The following CTNNA2 variants were observed in gnomAD, a reference collection of about 807,000 sequenced individuals.
CTNNA2 encodes catenin alpha-2.
A neutral mutation model predicts 101.0 loss-of-function variants in CTNNA2; 42 were observed. The ratio of observed to expected loss-of-function variants is 0.42; its 90% CI spans 0.32 to 0.54. CTNNA2 has a LOEUF of 0.54. CTNNA2 is among the 20% of genes least tolerant of loss of function. The pLI is 0.14. For missense variants in CTNNA2, 871 were observed against 1,223.1 expected, an observed-to-expected ratio of 0.71 and a Z score of 4.29; for synonymous variants, 450 against 456.4, an observed-to-expected ratio of 0.99 and a Z score of 0.18.
intron 7 of CTNNA2, among the ~76,000 whole-genome samples, chr2:80,272,837 G>A (rs1024125747): frequency 3.9e-5 from 6 of 152,142 alleles, no homozygotes; most frequent in South Asian, 2.1e-4. Flanking sequence ...CCCAAGCTGC[G>A]AGACAACTAT....
chr2:80,033,257 A>G (rs925705969), intron 7 of CTNNA2, among the ~76,000 whole-genome samples: 8 of 152,060 alleles, frequency 5.3e-5, no homozygotes, highest in African/African-American at 1.9e-4. Flanking sequence ...TATATGTAAA[A>G]TGGTGTCAGT....
At chr2:79,288,444 C>T (rs577167449) in intron 2 of CTNNA2, among the ~76,000 whole-genome samples, 4 of 152,336 alleles carry the variant, frequency 2.6e-5, no homozygotes, top group African/African-American at 9.6e-5. Flanking sequence ...TGGAGTCTCT[C>T]ATTGATGGAA....
intron 2 of CTNNA2, among the ~76,000 whole-genome samples, chr2:79,220,471 C>T (rs2104219921): frequency 1.3e-5 from 2 of 152,194 alleles, no homozygotes; most frequent in Middle Eastern, 6.8e-3. Context: ...CTCAGGCCTC[C>T]TCTGGGGTGG....
intron 7 of CTNNA2, among the ~76,000 whole-genome samples, chr2:80,102,180 C>G (rs762345705): frequency 6.6e-6 from 1 of 152,248 alleles, no homozygotes; most frequent in East Asian, 1.9e-4. Context: ...GGCATCCACT[C>G]AGTATTACAA....
intron 7 of CTNNA2, among the ~76,000 whole-genome samples, chr2:79,976,261 G>A (rs548651866): frequency 6.6e-6 from 1 of 152,222 alleles, no homozygotes; most frequent in South Asian, 2.1e-4. Context: ...GTATAACAAG[G>A]ATTTTTGCTT....
At chr2:79,617,873 A>T (rs1306554031) in intron 1 of CTNNA2, among the ~76,000 whole-genome samples, 2 of 152,136 alleles carry the variant, frequency 1.3e-5, no homozygotes, top group East Asian at 3.9e-4. Context: ...GCATCACAAA[A>T]TGTCTGTCTC....
At chr2:80,546,655 T>C (rs1033428703) in intron 11 of CTNNA2, among the ~76,000 whole-genome samples, 5 of 152,190 alleles carry the variant, frequency 3.3e-5, no homozygotes, top group African/African-American at 1.2e-4. Context: ...TTCTTCTTTG[T>C]AAATGAAGCC....
chr2:79,566,983 A>G (rs1675158554), intron 1 of CTNNA2, among the ~76,000 whole-genome samples: 1 of 152,210 alleles, frequency 6.6e-6, no homozygotes, highest in South Asian at 2.1e-4. Flanking sequence ...AAGAACGTAA[A>G]TGAAAACAAG....
chr2:80,047,548 C>T (rs1288884917), intron 7 of CTNNA2, among the ~76,000 whole-genome samples: 2 of 152,136 alleles, frequency 1.3e-5, no homozygotes, highest in African/African-American at 2.4e-5. Flanking sequence ...AGCAAGCCTC[C>T]CCTCCTTGGA....
intron 3 of CTNNA2, among the ~76,000 whole-genome samples, chr2:79,823,544 C>A (rs1678187087): frequency 6.6e-6 from 1 of 151,974 alleles, no homozygotes; most frequent in Non-Finnish European, 1.5e-5. Flanking sequence ...AAGAAAAGGA[C>A]AAAGACAACC....
chr2:79,994,949 A>G (rs1692441157), intron 7 of CTNNA2, among the ~76,000 whole-genome samples: 1 of 152,164 alleles, frequency 6.6e-6, no homozygotes, highest in Non-Finnish European at 1.5e-5. Context: ...GAGCCTCCTC[A>G]TTGATTCTGG....
chr2:79,949,637 A>G (rs1298437508), intron 7 of CTNNA2, among the ~76,000 whole-genome samples: 1 of 152,070 alleles, frequency 6.6e-6, no homozygotes, highest in Admixed American at 6.6e-5. Flanking sequence ...AATTAGGCCA[A>G]CATTGTGGTA....
intron 9 of CTNNA2, among the ~76,000 whole-genome samples, chr2:80,496,179 TG>T: frequency 6.6e-6 from 1 of 152,174 alleles, no homozygotes; most frequent in South Asian, 2.1e-4. Flanking sequence ...CCTCTAGAAC[TG>T]TAAGACAATA....
chr2:80,368,908 G>A (rs1192280750), intron 7 of CTNNA2, among the ~76,000 whole-genome samples: 2 of 150,264 alleles, frequency 1.3e-5, no homozygotes, highest in East Asian at 2.0e-4. Context: ...CTAGTGGGTA[G>A]GAATGAGAAA....
intron 6 of CTNNA2, among the ~76,000 whole-genome samples, chr2:79,905,148 G>A (rs1685334702): frequency 6.6e-6 from 1 of 151,822 alleles, no homozygotes; most frequent in Admixed American, 6.6e-5. Flanking sequence ...CTGTAAGAAT[G>A]AAAACAATAA....
At chr2:79,195,827 A>G (rs775289800) in intron 1 of CTNNA2, 2 of 515,132 alleles carry the variant, frequency 3.9e-6, no homozygotes, top group African/African-American at 3.9e-5. Context: ...AGCTGAATCA[A>G]TACATATCAC....
chr2:79,311,135 C>T (rs1187028969), intron 2 of CTNNA2, among the ~76,000 whole-genome samples: 1 of 152,190 alleles, frequency 6.6e-6, no homozygotes, highest in Admixed American at 6.5e-5. Flanking sequence ...ATTGGCCGGG[C>T]GCTGTGGCTC....
At position 79,878,997 on chromosome 2, in the gene CTNNA2, A is replaced by G. The variant is rs192418651; in HGVS notation, c.852+4655A>G. Among the ~76,000 whole-genome samples the G allele has an allele frequency of 1.7e-3, 253 of 152,266 alleles. 1 individual carries two copies. The highest frequency in any genetic ancestry group is 5.8e-3 in the African/African-American group (242 of 41,556). The stretch of plus-strand genomic sequence containing the variant: ...TAATACATCTTGAGTTAGTTTTTGC[A>G]TAAGGTGTAAGGAAGGGGTCCAGTT... On this transcript the variant is annotated intron_variant, in intron 6 of 18. Coordinates refer to ENST00000402739, the MANE Select transcript of CTNNA2 (RefSeq NM_001282597.3).
At chr2:80,414,472 C>T (rs374131731) in intron 8 of CTNNA2, among the ~76,000 whole-genome samples, 5 of 152,140 alleles carry the variant, frequency 3.3e-5, no homozygotes, top group East Asian at 1.9e-4. Context: ...TTTTTGTTTT[C>T]GGGTCAGTAT....
Sources: gnomAD v4.1 joint callset for allele counts (sites outside exome capture counted in the v4.1 genomes callset) on GRCh38, gnomAD v4.1.1 for gene constraint, MANE v1.5 for transcripts, NCBI Gene and HGNC (gene_info 2026-07-23, HGNC 2026-07-21) for gene names.